Variants in PDZRN3 observed in about 807,000 individuals in gnomAD.
PDZRN3 encodes the protein E3 ubiquitin-protein ligase PDZRN3.
A neutral mutation model predicts 85.7 loss-of-function variants in PDZRN3; 38 were observed. The ratio of observed to expected loss-of-function variants is 0.44; its 90% CI spans 0.34 to 0.58. PDZRN3 has a LOEUF of 0.58. Ranked by LOEUF, PDZRN3 falls within the 20% of genes least tolerant of loss-of-function variation. The pLI is 0.01. For missense variants in PDZRN3, 1,629 were observed against 1,506.4 expected, an observed-to-expected ratio of 1.08 and a Z score of -1.35; for synonymous variants, 759 against 638.0, an observed-to-expected ratio of 1.19 and a Z score of -2.86.
chr3:73,399,976 A>G (rs773776170), intron 5 of PDZRN3, among the ~76,000 whole-genome samples: 1 of 152,284 alleles, frequency 6.6e-6, no homozygotes, highest in Middle Eastern at 3.4e-3. Flanking sequence ...CTACTATTTG[A>G]CTGCTTCTGT....
rs548017809 is a variant in PDZRN3, at chr3:73,550,261, T to C, written c.918+52093A>G. ...CCGCCACCCCTCAACCCCCCAGACC[T>C]AATGAACCAGAAATTCTGGGGTGTG... On this transcript the variant is annotated intron_variant, in intron 3 of 9. Coordinates refer to ENST00000263666, the MANE Select transcript of PDZRN3 (RefSeq NM_015009.3). Among the ~76,000 whole-genome samples, 4 of 152,242 alleles carry C rather than the reference T, an allele frequency of 2.6e-5. No homozygotes were observed. The South Asian group carries it at 8.3e-4, about 32-fold the overall frequency.
intron 6 of PDZRN3, among the ~76,000 whole-genome samples, chr3:73,390,301 T>C (rs965848418): frequency 6.6e-6 from 1 of 152,164 alleles, no homozygotes; most frequent in African/African-American, 2.4e-5. Context: ...TGAAATATAA[T>C]TGGGACAAGG....
chr3:73,608,635 G>A lies in PDZRN3; in HGVS notation c.773C>T (p.Ser258Phe). 1 of 1,613,056 alleles carries A rather than the reference G, an allele frequency of 6.2e-7. No homozygotes were observed. Among genetic ancestry groups the A allele is most frequent in the Non-Finnish European group, 8.5e-7 (1 of 1,179,374 alleles). Residue 258 changes from serine to phenylalanine, a missense_variant, in exon 2 of 10, where the codon TCC (serine) becomes TTC (phenylalanine). Transcript: ENST00000263666. ...GCCACCAATAATATTGAATCCCAGG[G>A]AGCCGGAGTCCCGATGCAGGACAAG... ...LTLVLHRDSG[S>F]LGFNIIGGRP...
chr3:73,505,587 T>C (rs1295110011), intron 3 of PDZRN3, among the ~76,000 whole-genome samples: 1 of 152,238 alleles, frequency 6.6e-6, no homozygotes, highest in Non-Finnish European at 1.5e-5. Flanking sequence ...ATTGAATTTG[T>C]CAAGCCTTCG....
At chr3:73,454,244 C>A (rs1702933588) in intron 3 of PDZRN3, among the ~76,000 whole-genome samples, 1 of 152,082 alleles carries the variant, frequency 6.6e-6, no homozygotes, top group Non-Finnish European at 1.5e-5. Flanking sequence ...CTATACAAAC[C>A]CAGAGAGTCT....
intron 3 of PDZRN3, among the ~76,000 whole-genome samples, chr3:73,434,697 C>T (rs1702498063): frequency 6.6e-6 from 1 of 152,214 alleles, no homozygotes; most frequent in Admixed American, 6.5e-5. Context: ...CTGACTGTCA[C>T]TGGTTACTAC....
At chr3:73,595,705 G>A (rs1419591281) in intron 3 of PDZRN3, among the ~76,000 whole-genome samples, 2 of 152,044 alleles carry the variant, frequency 1.3e-5, no homozygotes, top group Non-Finnish European at 2.9e-5. Context: ...AAGGAAAAAA[G>A]CACGTGGATC....
chr3:73,562,519 G>A (rs1242509612), intron 3 of PDZRN3, among the ~76,000 whole-genome samples: 1 of 152,082 alleles, frequency 6.6e-6, no homozygotes, highest in African/African-American at 2.4e-5. Context: ...TTACTAAGAC[G>A]TCACTTTGCT....
intron 3 of PDZRN3, among the ~76,000 whole-genome samples, chr3:73,410,981 TG>T (rs1701955486): frequency 6.6e-6 from 1 of 152,236 alleles, no homozygotes; most frequent in Non-Finnish European, 1.5e-5. Context: ...GGCAAGTACT[TG>T]GCAACAAGCT....
chr3:73,558,600 TCC>T (rs1171044322), intron 3 of PDZRN3, among the ~76,000 whole-genome samples: 2 of 152,154 alleles, frequency 1.3e-5, no homozygotes, highest in African/African-American at 4.8e-5. Flanking sequence ...TCCTGTTCGG[TCC>T]CGCTCCCTGG....
At chr3:73,412,652 G>A (rs1241164373) in intron 3 of PDZRN3, among the ~76,000 whole-genome samples, 1 of 152,198 alleles carries the variant, frequency 6.6e-6, no homozygotes, top group Non-Finnish European at 1.5e-5. Context: ...GCTATCTTGA[G>A]CAGGTTATTC....
At chr3:73,489,310 G>T (rs1703724583) in intron 3 of PDZRN3, among the ~76,000 whole-genome samples, 1 of 152,134 alleles carries the variant, frequency 6.6e-6, no homozygotes, top group Admixed American at 6.5e-5. Flanking sequence ...ACCTTTTCCT[G>T]CTTTTTCAAA....
At position 73,475,060 on chromosome 3, in the gene PDZRN3, A is replaced by AGTATCCAAG. The variant is rs371952097; in HGVS notation, c.919-70674_919-70666dup. Among the ~76,000 whole-genome samples the AGTATCCAAG allele has an allele frequency of 3.1e-3, 466 of 152,262 alleles. 2 individuals are homozygous for AGTATCCAAG. The highest frequency in any genetic ancestry group is 0.01 in the African/African-American group (426 of 41,542). On this transcript the variant is annotated intron_variant, in intron 3 of 9. Transcript: ENST00000263666. ...TTAGAATGAGCAAGTCCAGGCATTG[A>AGTATCCAAG]GTATCCAAGCATCTTCTTTTTGAAA...
At chr3:73,392,427 G>T (rs989619430) in intron 5 of PDZRN3, among the ~76,000 whole-genome samples, 1 of 152,206 alleles carries the variant, frequency 6.6e-6, no homozygotes. Flanking sequence ...GGGAAGAGTT[G>T]GAACTGTAAA....
At chr3:73,469,778 A>C (rs1045226214) in intron 3 of PDZRN3, among the ~76,000 whole-genome samples, 2 of 150,058 alleles carry the variant, frequency 1.3e-5, no homozygotes, top group African/African-American at 5.1e-5. Flanking sequence ...AAATTAAAAC[A>C]AAGTGCTATT....
rs186580461 is a variant in PDZRN3 at position 73,513,069 on chromosome 3, G to A, written c.918+89285C>T. On this transcript the variant is annotated intron_variant, in intron 3 of 9. Coordinates refer to ENST00000263666, the MANE Select transcript of PDZRN3 (RefSeq NM_015009.3). ...CCCAGGTGCTGAGATAGGGTGTTGC[G>A]GAGGCTGCAGCCACAGCCTCAAACC... 4.3e-3 allele frequency among the ~76,000 whole-genome samples: 652 copies of A among 152,258 alleles called. 5 individuals are homozygous for A. Among genetic ancestry groups the A allele is most frequent in the African/African-American group, 0.015 (607 of 41,534 alleles).
At chr3:73,597,510 A>T (rs1275728757) in intron 3 of PDZRN3, among the ~76,000 whole-genome samples, 1 of 152,174 alleles carries the variant, frequency 6.6e-6, no homozygotes, top group Non-Finnish European at 1.5e-5. Context: ...GATCCAGGGA[A>T]TCAAGATTGC....
At chr3:73,396,226 A>G (rs1374373063) in intron 5 of PDZRN3, among the ~76,000 whole-genome samples, 2 of 152,166 alleles carry the variant, frequency 1.3e-5, no homozygotes, top group Non-Finnish European at 2.9e-5. Flanking sequence ...AAACAAACAA[A>G]AAAAAAAGTA....
chr3:73,463,730 T>C (rs1342058533), intron 3 of PDZRN3, among the ~76,000 whole-genome samples: 2 of 152,224 alleles, frequency 1.3e-5, no homozygotes, highest in East Asian at 1.9e-4. Context: ...GTATGTTCAC[T>C]GCAGCACTAT....
Sources: allele counts gnomAD v4.1 joint callset (sites outside exome capture counted in the v4.1 genomes callset), GRCh38; gene constraint gnomAD v4.1.1; transcripts MANE v1.5; gene names NCBI Gene and HGNC (gene_info 2026-07-23, HGNC 2026-07-21).